Variants in NRAP observed in about 807,000 individuals in gnomAD.
NRAP encodes nebulin-related-anchoring protein.
A neutral mutation model predicts 225.9 loss-of-function variants in NRAP; 189 were observed. The ratio of observed to expected loss-of-function variants is 0.84; its 90% CI spans 0.74 to 0.94. NRAP has a LOEUF of 0.94. Among genes scored for constraint, NRAP ranks in the 40% least tolerant of loss-of-function variants. The pLI is 0.00. For synonymous variants in NRAP, 769 were observed against 790.7 expected, an observed-to-expected ratio of 0.97 and a Z score of 0.46; for missense variants, 2,176 against 2,168.7, an observed-to-expected ratio of 1.00 and a Z score of -0.07.
intron 30 of NRAP, among the ~76,000 whole-genome samples, chr10:113,611,161 A>C (rs1210501543): frequency 2.0e-5 from 3 of 152,072 alleles, no homozygotes; most frequent in Non-Finnish European, 2.9e-5. Context: ...CGCTATCACA[A>C]CCAGAGGCAG....
intron 25 of NRAP, among the ~76,000 whole-genome samples, chr10:113,619,943 T>C (rs1430353278): frequency 1.3e-5 from 2 of 152,114 alleles, no homozygotes; most frequent in African/African-American, 4.8e-5. Context: ...CTGACATCCT[T>C]GTAGGACGTC....
rs141890480 is a variant in NRAP, at chr10:113,646,108, T to G, written c.994-167A>C. Among the ~76,000 whole-genome samples the G allele has an allele frequency of 2.6e-4, 40 of 152,310 alleles. No individual in the cohort carries two copies. In the East Asian group the frequency reaches 7.5e-3, roughly 29 times the overall value. ...TCTCTTCATTAAATCTATAAACTAC[T>G]TTGTCCTTTTTTGTTATTAAAATTT... On this transcript the variant is annotated intron_variant, in intron 10 of 41. Transcript: ENST00000359988.
intron 36 of NRAP, 130 bp from the exon 37 acceptor site, chr10:113,597,314 T>C (rs907967952): frequency 1.5e-6 from 1 of 661,028 alleles, no homozygotes; most frequent in African/African-American, 1.8e-5. Context: ...CCTTTCTTCT[T>C]GGTAGGTACC....
intron 15 of NRAP, 100 bp from the exon 16 acceptor site, chr10:113,633,288 A>G (rs1197740764): frequency 1.9e-5 from 13 of 681,788 alleles, no homozygotes; most frequent in African/African-American, 1.6e-4. Flanking sequence ...GTTGAGAAGG[A>G]GTTTCCAGAA....
chr10:113,617,556 G>A lies in NRAP; in HGVS notation c.2875-3C>T. 1 of 1,578,302 alleles carries A rather than the reference G, an allele frequency of 6.3e-7. No individual in the cohort carries two copies. The highest frequency in any genetic ancestry group is 8.7e-7 in the Non-Finnish European group (1 of 1,147,382). On this transcript the variant is annotated splice_polypyrimidine_tract_variant and splice_region_variant and intron_variant, in intron 25 of 41. Transcript: ENST00000359988. ...TCTGGATGCTGACGGTACTTCTTCTGTTGAGCAGAAAAAGATCAAAGCTGT... is the reference window on the plus strand; with the variant it reads ...TCTGGATGCTGACGGTACTTCTTCTATTGAGCAGAAAAAGATCAAAGCTGT...
intron 31 of NRAP, 57 bp from the exon 32 acceptor site, chr10:113,608,569 G>T: frequency 2.7e-6 from 3 of 1,113,820 alleles, no homozygotes; most frequent in Non-Finnish European, 4.0e-6. Context: ...AAAACCAGAA[G>T]CAGAACCAGT....
At chr10:113,618,775 G>A (rs979535725) in intron 25 of NRAP, among the ~76,000 whole-genome samples, 53 of 152,256 alleles carry the variant, frequency 3.5e-4, no homozygotes, top group African/African-American at 1.1e-3. Context: ...GTGAAACCCC[G>A]TCTCTACTAA....
intron 3 of NRAP, among the ~76,000 whole-genome samples, chr10:113,659,591 G>GA (rs914288515): frequency 2.6e-5 from 4 of 152,236 alleles, no homozygotes; most frequent in South Asian, 2.1e-4. Context: ...ACAGAAAGAG[G>GA]AAAAAATGCC....
At chr10:113,613,647 G>A (rs182019944) in intron 29 of NRAP, among the ~76,000 whole-genome samples, 9 of 152,134 alleles carry the variant, frequency 5.9e-5, no homozygotes, top group East Asian at 1.9e-4. Context: ...AAACTCAGAC[G>A]CCTACAGGGG....
At position 113,620,711 on chromosome 10, in the gene NRAP, G is replaced by T; in HGVS notation, c.2770-3C>A. 1 of 1,577,926 alleles carries T rather than the reference G, an allele frequency of 6.3e-7. No homozygotes were observed. The highest frequency in any genetic ancestry group is 1.1e-5 in the South Asian group (1 of 88,332). ...TTCACATCTGCCCTGTATTGGTTCTGACAAAGGAGAAAGAAAAAAAAAAAA... is the reference window on the plus strand; with the variant it reads ...TTCACATCTGCCCTGTATTGGTTCTTACAAAGGAGAAAGAAAAAAAAAAAA... On this transcript the variant is annotated splice_polypyrimidine_tract_variant and splice_region_variant and intron_variant, in intron 24 of 41. Transcript: ENST00000359988.
intron 15 of NRAP, 49 bp downstream of exon 15, chr10:113,634,063 C>A (rs758201978): frequency 1.6e-6 from 2 of 1,251,200 alleles, no homozygotes; most frequent in African/African-American, 2.9e-5. Context: ...GGCCTCAAAG[C>A]AGCAATTTCA....
rs1300025285 is a variant in NRAP, at chr10:113,614,874, G to C, written c.3151C>G (p.Gln1051Glu). 5.0e-6 allele frequency: 8 copies of C among 1,611,728 alleles called. No individual in the cohort carries two copies. In the South Asian group the frequency reaches 8.8e-5, roughly 18 times the overall value. Residue 1051 changes from glutamine (Q) to glutamate (E), a missense_variant, in exon 28 of 42, where the codon CAA (glutamine) becomes GAA (glutamate). Gln to Glu is a conservative substitution (Grantham distance 29). Around this residue, in one of 3 missense-constraint regions of NRAP, gnomAD observed 1,708 missense variants for 1,695.5 expected, o/e 1.01. Coordinates refer to ENST00000359988, the MANE Select transcript of NRAP (RefSeq NM_198060.4). ...YKLRLDALPF[Q>E]AAKASGEIIS... ...ATTTCACCAGAAGCCTTTGCTGCTT[G>C]GAATGGAAGGGCATCCAACCTCAGT... is the stretch of plus-strand genomic sequence containing the variant.
chr10:113,605,368 C>A (rs898792685), intron 34 of NRAP, among the ~76,000 whole-genome samples: 1 of 152,198 alleles, frequency 6.6e-6, no homozygotes, highest in African/African-American at 2.4e-5. Flanking sequence ...GCCATCAAAT[C>A]CTAACACCAA....
chr10:113,644,738 G>C (rs1849401776), intron 11 of NRAP, among the ~76,000 whole-genome samples: 1 of 152,208 alleles, frequency 6.6e-6, no homozygotes, highest in African/African-American at 2.4e-5. Context: ...AGGATCACGG[G>C]TTAACTAACA....
At chr10:113,646,011 G>T in intron 10 of NRAP, 70 bp from the exon 11 acceptor site, 1 of 761,602 alleles carries the variant, frequency 1.3e-6, no homozygotes, top group Non-Finnish European at 2.1e-6. Context: ...TTACTCCAAA[G>T]TTATCCTGGG....
intron 36 of NRAP, 120 bp from the exon 37 acceptor site, chr10:113,597,304 C>A: frequency 2.9e-6 from 2 of 693,294 alleles, no homozygotes; most frequent in East Asian, 2.6e-5. Context: ...GGAAAACAAG[C>A]CTTTCTTCTT....
At chr10:113,656,379 A>G (rs1187555223) in intron 4 of NRAP, among the ~76,000 whole-genome samples, 1 of 152,146 alleles carries the variant, frequency 6.6e-6, no homozygotes, top group East Asian at 1.9e-4. Flanking sequence ...GTACTGATTG[A>G]TGTCTCATGT....
intron 36 of NRAP, among the ~76,000 whole-genome samples, chr10:113,597,397 A>G (rs1352611632): frequency 6.6e-6 from 1 of 152,186 alleles, no homozygotes; most frequent in East Asian, 1.9e-4. Flanking sequence ...TACTCTCTTG[A>G]AGAGAGAGGC....
Position 113,623,649 on chromosome 10 carries a change from A to G in NRAP, c.2350-13T>C, listed in dbSNP as rs745555803. ...TCTTATACAGTTTCTAAGGGGATTT[A>G]GGAGAGAAGGTGAGTGGGTTTTCAT... On this transcript the variant is annotated splice_polypyrimidine_tract_variant and intron_variant, in intron 22 of 41. Transcript: ENST00000359988. The G allele has an allele frequency of 2.5e-6, 4 of 1,581,008 alleles. No individual in the cohort carries two copies. The South Asian group carries it at 3.3e-5, about 13-fold the overall frequency.
Sources: allele counts gnomAD v4.1 joint callset (sites outside exome capture counted in the v4.1 genomes callset), GRCh38; gene constraint gnomAD v4.1.1; regional missense constraint gnomAD v4.1.1; transcripts MANE v1.5; gene names NCBI Gene and HGNC (gene_info 2026-07-23, HGNC 2026-07-21).